The following SORCS1 variants were observed in gnomAD, a reference collection of about 807,000 sequenced individuals.
SORCS1 encodes VPS10 domain-containing receptor SorCS1.
A neutral mutation model predicts 146.1 loss-of-function variants in SORCS1; 60 were observed. That is an observed-to-expected ratio of 0.41 (90% CI 0.33 to 0.51). The LOEUF (loss-of-function observed/expected upper bound fraction) is 0.51, where lower values mean the gene tolerates loss of function less well. SORCS1 is among the 20% of genes least tolerant of loss of function. SORCS1 has a pLI of 0.21. For synonymous variants in SORCS1, 637 were observed against 584.0 expected, an observed-to-expected ratio of 1.09 and a Z score of -1.31; for missense variants, 1,352 against 1,487.6, an observed-to-expected ratio of 0.91 and a Z score of 1.50.
chr10:107,005,746 A>G (rs2182917), intron 1 of SORCS1, among the ~76,000 whole-genome samples: 22,936 of 152,216 alleles, frequency 0.15, 5,664 homozygotes, highest in African/African-American at 0.52. Context: ...AGGTGGGACC[A>G]TACAATATTT....
chr10:106,623,651 GT>G (rs1207623746), intron 19 of SORCS1, among the ~76,000 whole-genome samples: 2 of 151,806 alleles, frequency 1.3e-5, no homozygotes, highest in South Asian at 2.1e-4. Flanking sequence ...CATTCACTCA[GT>G]TTTTTTATTT....
In SORCS1 at chr10:106,728,161, C is replaced by T. The variant is rs567443248; in HGVS notation, c.1024+1889G>A. On this transcript the variant is annotated intron_variant, in intron 6 of 25. Transcript: ENST00000263054. ...ATTATCCTGCCTCCACCTCCCAAGT[C>T]GCTGGGACAACAGGCACGCACCACC... is the stretch of plus-strand genomic sequence containing the variant. Among the ~76,000 whole-genome samples the T allele has an allele frequency of 3.9e-5, 6 of 152,066 alleles. No individual in the cohort carries two copies. In the South Asian group the frequency reaches 6.2e-4, roughly 16 times the overall value.
chr10:106,919,168 T>G (rs1952584752), intron 2 of SORCS1, among the ~76,000 whole-genome samples: 1 of 152,168 alleles, frequency 6.6e-6, no homozygotes, highest in South Asian at 2.1e-4. Context: ...TCTTCTACAG[T>G]ACAGACCACT....
chr10:106,781,005 C>A (rs1245847013), intron 3 of SORCS1, among the ~76,000 whole-genome samples: 1 of 148,936 alleles, frequency 6.7e-6, no homozygotes, highest in African/African-American at 2.5e-5. Context: ...ATTAGTCCTT[C>A]TGACAGCTCA....
intron 1 of SORCS1, among the ~76,000 whole-genome samples, chr10:107,076,862 T>C (rs796380937): frequency 7.2e-5 from 11 of 152,260 alleles, no homozygotes; most frequent in African/African-American, 2.2e-4. Flanking sequence ...GTCTGGGACA[T>C]TGGAATGACT....
intron 3 of SORCS1, among the ~76,000 whole-genome samples, chr10:106,779,712 C>A (rs1218911230): frequency 2.6e-5 from 4 of 151,928 alleles, no homozygotes; most frequent in Non-Finnish European, 4.4e-5. Context: ...GGTCTCGAAC[C>A]CCTGACCTCA....
intron 2 of SORCS1, among the ~76,000 whole-genome samples, chr10:106,938,844 A>G (rs1362452197): frequency 2.0e-5 from 3 of 152,212 alleles, no homozygotes. Flanking sequence ...ACAGTGCAGC[A>G]CTTGGTGTCA....
At chr10:107,135,848 C>G (rs1967256943) in intron 1 of SORCS1, among the ~76,000 whole-genome samples, 1 of 152,146 alleles carries the variant, frequency 6.6e-6, no homozygotes, top group South Asian at 2.1e-4. Flanking sequence ...AATCACATGT[C>G]CTTTCATAAA....
chr10:107,003,031 G>A (rs1485228500), intron 1 of SORCS1, among the ~76,000 whole-genome samples: 1 of 152,158 alleles, frequency 6.6e-6, no homozygotes, highest in Non-Finnish European at 1.5e-5. Context: ...CAAGGCAGGT[G>A]GATCACCTGC....
chr10:106,720,465 T>C (rs1855704143), intron 6 of SORCS1, among the ~76,000 whole-genome samples: 1 of 150,960 alleles, frequency 6.6e-6, no homozygotes, highest in African/African-American at 2.4e-5. Flanking sequence ...TCACACCAGA[T>C]AAATAATAGG....
intron 1 of SORCS1, among the ~76,000 whole-genome samples, chr10:107,146,536 C>T (rs1173245130): frequency 6.6e-6 from 1 of 152,092 alleles, no homozygotes; most frequent in African/African-American, 2.4e-5. Context: ...GACTGGTTTT[C>T]ATCATGAATA....
At chr10:106,718,617 G>A (rs1855554240) in intron 6 of SORCS1, among the ~76,000 whole-genome samples, 1 of 152,250 alleles carries the variant, frequency 6.6e-6, no homozygotes, top group Non-Finnish European at 1.5e-5. Context: ...CCACAGCATG[G>A]AAGGGAACCC....
chr10:106,919,465 C>T (rs542703543), intron 2 of SORCS1, among the ~76,000 whole-genome samples: 1 of 152,308 alleles, frequency 6.6e-6, no homozygotes, highest in South Asian at 2.1e-4. Context: ...ACTGGGACCC[C>T]TGTCCAGGAA....
chr10:107,153,255 C>T (rs1968982486), intron 1 of SORCS1, among the ~76,000 whole-genome samples: 2 of 151,950 alleles, frequency 1.3e-5, no homozygotes, highest in African/African-American at 4.8e-5. Flanking sequence ...CTTACTGTGG[C>T]CTTACGATAC....
intron 1 of SORCS1, among the ~76,000 whole-genome samples, chr10:107,021,542 A>C (rs899317523): frequency 3.6e-5 from 5 of 138,020 alleles, no homozygotes; most frequent in Non-Finnish European, 7.7e-5. Context: ...AAAAAAAAAA[A>C]AAGAATACGC....
At chr10:106,929,043 C>A (rs193001626) in intron 2 of SORCS1, among the ~76,000 whole-genome samples, 69 of 152,082 alleles carry the variant, frequency 4.5e-4, no homozygotes, top group African/African-American at 1.3e-3. Flanking sequence ...CATATTAAAT[C>A]ATCCATAAGA....
At chr10:106,680,820 A>G (rs1250474205) in intron 10 of SORCS1, among the ~76,000 whole-genome samples, 2 of 152,198 alleles carry the variant, frequency 1.3e-5, no homozygotes, top group African/African-American at 4.8e-5. Context: ...TCTGCTCTGT[A>G]AGTTTCAGCC....
At chr10:106,909,251 A>G (rs1282831644) in intron 2 of SORCS1, among the ~76,000 whole-genome samples, 1 of 152,212 alleles carries the variant, frequency 6.6e-6, no homozygotes, top group Non-Finnish European at 1.5e-5. Context: ...CTTGCCCTCA[A>G]TCTATTGCTC....
intron 3 of SORCS1, among the ~76,000 whole-genome samples, chr10:106,791,061 A>C (rs1946295226): frequency 1.3e-5 from 2 of 152,212 alleles, no homozygotes; most frequent in Admixed American, 1.3e-4. Context: ...AGATATACAC[A>C]CATATACATA....
Sources: gnomAD v4.1 joint callset for allele counts (sites outside exome capture counted in the v4.1 genomes callset) on GRCh38, gnomAD v4.1.1 for gene constraint, MANE v1.5 for transcripts, NCBI Gene and HGNC (gene_info 2026-07-23, HGNC 2026-07-21) for gene names.